The following CHD9 variants were observed in gnomAD, a reference collection of about 807,000 sequenced individuals.
The protein encoded by CHD9 is ATP-dependent chromatin remodeler CHD9.
CHD9 carries 77 observed loss-of-function variants against 316.1 expected under a neutral mutation model. The ratio of observed to expected loss-of-function variants is 0.24; its 90% CI spans 0.20 to 0.29. The LOEUF (loss-of-function observed/expected upper bound fraction) is 0.29. CHD9 is among the 10% of genes least tolerant of loss of function. The pLI is 1.00. For missense variants in CHD9, 2,763 were observed against 3,438.1 expected, an observed-to-expected ratio of 0.80 and a Z score of 4.91; for synonymous variants, 1,129 against 1,158.3, an observed-to-expected ratio of 0.97 and a Z score of 0.51.
In CHD9 at chr16:53,157,095, A is replaced by G. The variant is rs751550507; in HGVS notation, c.1006A>G (p.Asn336Asp). The change falls in exon 2 of 39, where the codon AAT becomes GAT. Residue 336 changes from asparagine (N) to aspartate (D), a missense_variant. Around this residue, in one of 15 missense-constraint regions of CHD9, gnomAD observed 859 missense variants for 890.4 expected, o/e 0.96. Coordinates refer to ENST00000447540, the MANE Select transcript of CHD9 (RefSeq NM_001308319.2). Reference protein sequence around the residue: ...LNPNTSLNSNNFQILHSSHPQ... With the variant: ...LNPNTSLNSNDFQILHSSHPQ... ...CCCCAATACATCATTGAATTCAAATAATTTCCAAATATTGCATTCATCACA... is the reference window on the plus strand; with the variant it reads ...CCCCAATACATCATTGAATTCAAATGATTTCCAAATATTGCATTCATCACA... The G allele has an allele frequency of 5.6e-6, 9 of 1,612,100 alleles. No homozygotes were observed. In the Admixed American group the frequency reaches 1.5e-4, roughly 27 times the overall value.
intron 20 of CHD9, among the ~76,000 whole-genome samples, chr16:53,266,400 C>T (rs1224644448): frequency 6.6e-6 from 1 of 152,172 alleles, no homozygotes; most frequent in South Asian, 2.1e-4. Context: ...TGCTCTAGGA[C>T]ATAAGCATTT....
At chr16:53,133,130 G>A (rs1001690034) in intron 1 of CHD9, among the ~76,000 whole-genome samples, 1 of 152,094 alleles carries the variant, frequency 6.6e-6, no homozygotes, top group Non-Finnish European at 1.5e-5. Flanking sequence ...GGGAAAAGTG[G>A]TTGCCTCCCA....
intron 12 of CHD9, among the ~76,000 whole-genome samples, chr16:53,241,159 TA>T (rs1425118873): frequency 6.6e-6 from 1 of 152,210 alleles, no homozygotes; most frequent in Non-Finnish European, 1.5e-5. Context: ...AATTAAAATC[TA>T]AGAACACCCA....
At chr16:53,120,061 A>C (rs1222856970) in intron 1 of CHD9, among the ~76,000 whole-genome samples, 1 of 136,594 alleles carries the variant, frequency 7.3e-6, no homozygotes, top group Non-Finnish European at 1.7e-5. Context: ...CCCCATCTCC[A>C]CAAAAAAAAA....
At chr16:53,227,640 T>G in intron 7 of CHD9, 37 bp downstream of exon 7, 1 of 607,310 alleles carries the variant, frequency 1.6e-6, no homozygotes, top group African/African-American at 1.9e-5. Context: ...AGAAAGATGT[T>G]GATTTACATA....
chr16:53,234,590 T>C (rs182368705), intron 10 of CHD9, among the ~76,000 whole-genome samples: 30 of 152,214 alleles, frequency 2.0e-4, no homozygotes, highest in Admixed American at 1.7e-3. Flanking sequence ...TACCATGTTA[T>C]TTTTGGTTTT....
chr16:53,260,715 T>C (rs189615045), intron 19 of CHD9, among the ~76,000 whole-genome samples: 50 of 152,184 alleles, frequency 3.3e-4, no homozygotes, highest in African/African-American at 1.2e-3. Context: ...TAGGGGAGAA[T>C]CTGTTTCTTA....
At chr16:53,309,909 C>G (rs184473605) in intron 34 of CHD9, among the ~76,000 whole-genome samples, 2 of 152,308 alleles carry the variant, frequency 1.3e-5, no homozygotes, top group East Asian at 3.9e-4. Flanking sequence ...CCACAACATA[C>G]TGATCTCCTA....
At chr16:53,191,896 T>A (rs2044507352) in intron 2 of CHD9, among the ~76,000 whole-genome samples, 1 of 152,166 alleles carries the variant, frequency 6.6e-6, no homozygotes, top group South Asian at 2.1e-4. Flanking sequence ...GTATGAGAGT[T>A]CCAGATGTTC....
chr16:53,190,941 T>C (rs2044428486), intron 2 of CHD9, among the ~76,000 whole-genome samples: 1 of 152,138 alleles, frequency 6.6e-6, no homozygotes, highest in African/African-American at 2.4e-5. Context: ...TTAAAATCAA[T>C]TTTATTGAGG....
At chr16:53,299,707 A>C (rs757520113) in intron 30 of CHD9, 73 of 281,874 alleles carry the variant, frequency 2.6e-4, no homozygotes, top group Non-Finnish European at 4.4e-4. Flanking sequence ...TTTCTGGTGC[A>C]TACACTGTGT....
At chr16:53,178,906 G>T (rs549073695) in intron 2 of CHD9, among the ~76,000 whole-genome samples, 1 of 152,168 alleles carries the variant, frequency 6.6e-6, no homozygotes, top group African/African-American at 2.4e-5. Flanking sequence ...CCAGTTACTT[G>T]AGAAGCTGAG....
rs571040223 is a variant in CHD9 at position 53,326,311 on chromosome 16, CAAAT to C, written c.*1419_*1422del. On this transcript the variant is annotated 3_prime_UTR_variant, in exon 39 of 39. Coordinates refer to ENST00000447540, the MANE Select transcript of CHD9 (RefSeq NM_001308319.2). Reference sequence around the variant, plus strand: ...TATATGTTAGCATTTTTCTGGTACTCAAATAAGTTAGTAGTAAAGTCTGCAAGGG... The same window carrying C: ...TATATGTTAGCATTTTTCTGGTACTCAAGTTAGTAGTAAAGTCTGCAAGGG... 2.0e-4 allele frequency: 30 copies of C among 152,438 alleles called. No individual in the cohort carries two copies. The South Asian group carries it at 5.8e-3, about 30-fold the overall frequency. The allele number at this position is 152,438 out of a possible 1,614,324, so 9.4% of individuals were successfully genotyped here.
intron 1 of CHD9, among the ~76,000 whole-genome samples, chr16:53,104,699 C>T (rs1324978956): frequency 6.6e-6 from 1 of 151,632 alleles, no homozygotes; most frequent in Non-Finnish European, 1.5e-5. Context: ...GTAATCCCAG[C>T]TACTCGGGAG....
chr16:53,169,819 G>T (rs998522604), intron 2 of CHD9, among the ~76,000 whole-genome samples: 3 of 151,998 alleles, frequency 2.0e-5, no homozygotes, highest in African/African-American at 7.2e-5. Context: ...TTTTTAACTT[G>T]TCCCAATAAT....
chr16:53,291,377 A>G (rs2054316635), intron 27 of CHD9, among the ~76,000 whole-genome samples: 1 of 152,218 alleles, frequency 6.6e-6, no homozygotes, highest in African/African-American at 2.4e-5. Flanking sequence ...GTTATCTAAG[A>G]GTTGGTATAA....
At chr16:53,223,145 G>C (rs1233223174) in intron 4 of CHD9, among the ~76,000 whole-genome samples, 2 of 151,872 alleles carry the variant, frequency 1.3e-5, no homozygotes, top group Non-Finnish European at 2.9e-5. Context: ...CAAATGGATT[G>C]AATCATTCCT....
intron 1 of CHD9, among the ~76,000 whole-genome samples, chr16:53,055,378 C>T (rs888176389): frequency 5.9e-5 from 9 of 152,316 alleles, no homozygotes; most frequent in African/African-American, 2.2e-4. Context: ...CCCAGAGCCA[C>T]TCCAGGGTGG....
chr16:53,120,905 C>G (rs1340715028), intron 1 of CHD9, among the ~76,000 whole-genome samples: 1 of 152,066 alleles, frequency 6.6e-6, no homozygotes, highest in Non-Finnish European at 1.5e-5. Flanking sequence ...ACTTGGGAGG[C>G]TGAGGCAGGA....
Sources: gnomAD v4.1 joint callset for allele counts (sites outside exome capture counted in the v4.1 genomes callset) on GRCh38, gnomAD v4.1.1 for gene constraint, gnomAD v4.1.1 regional missense constraint, MANE v1.5 for transcripts, NCBI Gene and HGNC (gene_info 2026-07-23, HGNC 2026-07-21) for gene names.